PRKAR1B: variants seen among roughly 807,000 people sequenced by gnomAD.
PRKAR1B encodes cAMP-dependent protein kinase type I-beta regulatory subunit.
In PRKAR1B, 22 loss-of-function variants were observed where a neutral mutation model predicts 46.5. The observed-to-expected ratio is 0.47, with a 90% confidence interval of 0.34 to 0.68. The LOEUF (loss-of-function observed/expected upper bound fraction) is 0.68. Ranked by LOEUF, PRKAR1B falls within the 30% of genes least tolerant of loss-of-function variation. The probability of loss-of-function intolerance (pLI) is 0.01; values close to 1 mark genes in which losing one functional copy is unlikely to be tolerated. For synonymous variants in PRKAR1B, 259 were observed against 217.7 expected (o/e 1.19, Z -1.67); for missense variants, 445 against 535.6 (o/e 0.83, Z 1.67).
intron 4 of PRKAR1B, among the ~76,000 whole-genome samples, chr7:623,806 C>A (rs184296691): frequency 6.6e-6 from 1 of 152,208 alleles, no homozygotes; most frequent in African/African-American, 2.4e-5. Context: ...CACTGAATAA[C>A]GTTTTCTTGG....
At chr7:588,572 G>A (rs1271507306) in intron 7 of PRKAR1B, among the ~76,000 whole-genome samples, 1 of 151,162 alleles carries the variant, frequency 6.6e-6, no homozygotes, top group African/African-American at 2.4e-5. Context: ...TGATGTTGGT[G>A]AGGATAGTGA....
chr7:551,450 C>T lies in PRKAR1B; in HGVS notation c.912G>A (p.Gln304=), dbSNP rs1471488675. The change falls in exon 10 of 11, where the codon CAG becomes CAA. Residue 304 remains glutamine, a synonymous_variant. Coordinates refer to ENST00000537384, the MANE Select transcript of PRKAR1B (RefSeq NM_001164760.2). ...CGTACTCCTCATTGGGGGACCGGCG[C>T]TGCAGCACGGACGCGGTGCCCTGTG... ...IITEGTASVL[Q]RRSPNEEYVE... 1.3e-6 allele frequency: 2 copies of T among 1,557,794 alleles called. No individual in the cohort carries two copies. The highest frequency in any genetic ancestry group is 3.9e-5 in the Admixed American group (2 of 51,390).
intron 4 of PRKAR1B, among the ~76,000 whole-genome samples, chr7:639,141 A>T (rs1206091249): frequency 6.6e-6 from 1 of 152,244 alleles, no homozygotes; most frequent in Non-Finnish European, 1.5e-5. Context: ...ACTTGGAAAT[A>T]GCCGAGACAG....
At chr7:606,158 G>A (rs559151662) in intron 6 of PRKAR1B, 35 bp downstream of exon 6, 54 of 1,610,242 alleles carry the variant, frequency 3.4e-5, no homozygotes, top group African/African-American at 1.1e-4. Flanking sequence ...ATGCAAAGAC[G>A]CGCTATTTTC....
chr7:608,415 T>C (rs897691050), intron 4 of PRKAR1B: 2 of 152,188 alleles, frequency 1.3e-5, no homozygotes, highest in Admixed American at 6.5e-5. Flanking sequence ...GAAACAAATA[T>C]GAAATCAAAG....
chr7:594,373 G>A (rs542768567), intron 7 of PRKAR1B, among the ~76,000 whole-genome samples: 1 of 152,286 alleles, frequency 6.6e-6, no homozygotes, highest in East Asian at 1.9e-4. Context: ...CTGGACCCCG[G>A]GACCCCAGGC....
chr7:711,250 A>G (rs1215092518), intron 2 of PRKAR1B, 79 bp downstream of exon 2: 15 of 1,555,040 alleles, frequency 9.6e-6, no homozygotes, highest in Non-Finnish European at 1.3e-5. Context: ...ACCACGGGAC[A>G]GAGGGAAGGC....
At chr7:664,235 C>T (rs1292602532) in intron 4 of PRKAR1B, among the ~76,000 whole-genome samples, 1 of 152,204 alleles carries the variant, frequency 6.6e-6, no homozygotes, top group Non-Finnish European at 1.5e-5. Flanking sequence ...AGAATGGAGC[C>T]ATGCCAGGAC....
chr7:583,001 C>T (rs1315812593), intron 8 of PRKAR1B, among the ~76,000 whole-genome samples: 4 of 152,146 alleles, frequency 2.6e-5, no homozygotes, highest in Non-Finnish European at 5.9e-5. Flanking sequence ...TCCCACGAAA[C>T]GTCCCGAGCA....
At chr7:652,303 G>A (rs554066773) in intron 4 of PRKAR1B, among the ~76,000 whole-genome samples, 25 of 145,350 alleles carry the variant, frequency 1.7e-4, no homozygotes, top group African/African-American at 3.9e-4. Context: ...CCCACGCAGC[G>A]CTAGGAACCT....
At chr7:572,076 C>T (rs1446167253) in intron 9 of PRKAR1B, among the ~76,000 whole-genome samples, 2 of 152,174 alleles carry the variant, frequency 1.3e-5, no homozygotes, top group African/African-American at 2.4e-5. Flanking sequence ...TTGGTAAGAG[C>T]CCCTAGAAAT....
At chr7:613,672 C>T (rs1042568494) in intron 4 of PRKAR1B, among the ~76,000 whole-genome samples, 1 of 152,276 alleles carries the variant, frequency 6.6e-6, no homozygotes, top group South Asian at 2.1e-4. Context: ...GCTCCCACTA[C>T]GAGGGCCCAC....
Position 566,307 on chromosome 7 carries a change from C to G in PRKAR1B, c.891+12949G>C, listed in dbSNP as rs1002753045. ...TCTTCACCTTCATCATCACCATCAT[C>G]ATCACCATATTCACCAACTCATCAC... On this transcript the variant is annotated intron_variant, in intron 9 of 10. Transcript: ENST00000537384. Among the ~76,000 whole-genome samples the G allele has an allele frequency of 2.0e-5, 3 of 151,902 alleles. No homozygotes were observed. The South Asian group carries it at 6.3e-4, about 32-fold the overall frequency.
chr7:606,767 C>CGTGTGTGTGT (rs71546453), intron 5 of PRKAR1B, among the ~76,000 whole-genome samples: 1,595 of 148,366 alleles, frequency 0.011, 14 homozygotes, highest in South Asian at 0.017. Context: ...GAATTTTATG[C>CGTGTGTGTGT]GTGTGTGTGT....
At chr7:609,939 C>T (rs1305209800) in intron 4 of PRKAR1B, among the ~76,000 whole-genome samples, 6 of 152,110 alleles carry the variant, frequency 3.9e-5, no homozygotes, top group Non-Finnish European at 5.9e-5. Context: ...TGATGGGTCT[C>T]GCTATGTTGC....
chr7:647,532 C>T (rs371800973), intron 4 of PRKAR1B, among the ~76,000 whole-genome samples: 2 of 152,114 alleles, frequency 1.3e-5, no homozygotes, highest in East Asian at 1.9e-4. Flanking sequence ...CCAGGCCAGG[C>T]GCGGTGGCTC....
intron 6 of PRKAR1B, among the ~76,000 whole-genome samples, chr7:601,115 T>C (rs1472505911): frequency 6.6e-6 from 1 of 152,158 alleles, no homozygotes; most frequent in Admixed American, 6.5e-5. Flanking sequence ...GCCAGGTCCT[T>C]GAGGGGACGG....
intron 9 of PRKAR1B, among the ~76,000 whole-genome samples, chr7:569,841 C>T (rs1163833338): frequency 6.6e-6 from 1 of 152,204 alleles, no homozygotes; most frequent in South Asian, 2.1e-4. Context: ...GCAGACCCCA[C>T]GGACAGGGCC....
Position 579,136 on chromosome 7 carries a change from C to T in PRKAR1B, c.891+120G>A, listed in dbSNP as rs1195283452. 29 of 1,577,078 alleles carry T rather than the reference C, an allele frequency of 1.8e-5. No individual in the cohort carries two copies. The East Asian group carries it at 2.5e-4, about 13-fold the overall frequency. On this transcript the variant is annotated intron_variant, in intron 9 of 10. Coordinates refer to ENST00000537384, the MANE Select transcript of PRKAR1B (RefSeq NM_001164760.2). ...CCCATGGAGGCCCCGGACGGGCGTG[C>T]GGTCACAGGGCAGCACTGACTCCAG...
Sources: allele counts gnomAD v4.1 joint callset (sites outside exome capture counted in the v4.1 genomes callset), GRCh38; gene constraint gnomAD v4.1.1; transcripts MANE v1.5; gene names NCBI Gene and HGNC (gene_info 2026-07-23, HGNC 2026-07-21).